The following ZFYVE28 variants were observed in gnomAD, a reference collection of about 807,000 sequenced individuals.
ZFYVE28 encodes lateral signaling target protein 2 homolog.
Under a neutral mutation model 82.1 loss-of-function variants are expected in ZFYVE28, and 40 were observed. That is an observed-to-expected ratio of 0.49 (90% CI 0.38 to 0.63). The LOEUF is 0.63. ZFYVE28 is among the 30% of genes least tolerant of loss of function. The pLI is 0.00. For missense variants in ZFYVE28, 1,321 were observed against 1,242.1 expected (o/e 1.06, Z -0.96); for synonymous variants, 612 against 546.1 (o/e 1.12, Z -1.68).
intron 7 of ZFYVE28, among the ~76,000 whole-genome samples, chr4:2,310,811 T>TA (rs1160261081): frequency 2.6e-5 from 4 of 152,114 alleles, no homozygotes; most frequent in African/African-American, 7.2e-5. Context: ...TCAATAATTA[T>TA]AAAAAAAGTT....
chr4:2,334,107 C>A (rs550559337), intron 6 of ZFYVE28, among the ~76,000 whole-genome samples: 7 of 152,250 alleles, frequency 4.6e-5, no homozygotes, highest in Non-Finnish European at 4.4e-5. Flanking sequence ...CTCCCTCTGG[C>A]GCGATGTGAG....
intron 8 of ZFYVE28, among the ~76,000 whole-genome samples, chr4:2,276,185 G>A (rs1156989134): frequency 6.6e-6 from 1 of 151,960 alleles, no homozygotes; most frequent in Non-Finnish European, 1.5e-5. Context: ...GCTGCACGGG[G>A]CCCCCTCCCT....
At chr4:2,318,638 G>A (rs369692911) in intron 7 of ZFYVE28, among the ~76,000 whole-genome samples, 1 of 152,224 alleles carries the variant, frequency 6.6e-6, no homozygotes, top group East Asian at 1.9e-4. Context: ...AGTTCCATCG[G>A]GGCGGCAGGG....
chr4:2,315,600 T>G (rs1718089649), intron 7 of ZFYVE28, among the ~76,000 whole-genome samples: 1 of 152,218 alleles, frequency 6.6e-6, no homozygotes, highest in African/African-American at 2.4e-5. Context: ...TATACGTTAT[T>G]TCACTGCTTG....
At chr4:2,382,176 T>C (rs936917059) in intron 1 of ZFYVE28, among the ~76,000 whole-genome samples, 2 of 152,206 alleles carry the variant, frequency 1.3e-5, no homozygotes, top group Admixed American at 6.5e-5. Flanking sequence ...GGGGCACTCA[T>C]GGAGAACCTC....
chr4:2,347,171 C>T (rs1250915530), intron 2 of ZFYVE28, among the ~76,000 whole-genome samples: 4 of 152,122 alleles, frequency 2.6e-5, no homozygotes, highest in African/African-American at 9.7e-5. Context: ...GCAAAGAGTA[C>T]TGCCAAGGAC....
chr4:2,341,349 G>A lies in ZFYVE28; in HGVS notation c.318+129C>T. ...GGCTCAGACCACACCACGTAACCCA[G>A]AGTGGACGGAGCTCTTGGAGGAGAC... On this transcript the variant is annotated intron_variant, in intron 3 of 12. Transcript: ENST00000290974. The surrounding 1 kb of genome is among the most constrained non-coding windows in gnomAD (Gnocchi z 4.5). 7.6e-7 allele frequency: 1 copy of A among 1,311,676 alleles called. No individual in the cohort carries two copies. The highest frequency in any genetic ancestry group is 2.5e-5 in the East Asian group (1 of 39,484). 81.3% of individuals were successfully genotyped at this position (1,311,676 alleles called of 1,614,324 possible). A position where few individuals can be genotyped will look rare whatever the true frequency, so the allele number is the denominator to read the frequency against.
chr4:2,380,205 T>G, intron 1 of ZFYVE28, among the ~76,000 whole-genome samples: 1 of 152,180 alleles, frequency 6.6e-6, no homozygotes, highest in Admixed American at 6.5e-5. Context: ...CTTGATGGGG[T>G]GGATGCATCC....
chr4:2,399,134 T>TGAGATCTAAGGCACAAGGAGGGGG (rs1730889327), intron 1 of ZFYVE28, among the ~76,000 whole-genome samples: 7 of 11,470 alleles, frequency 6.1e-4, no homozygotes, highest in Admixed American at 2.7e-3. Context: ...ACAAGCTGGG[T>TGAGATCTAAGGCACAAGGAGGGGG]GGTGAGATCC....
At chr4:2,295,198 G>C (rs1209814143) in intron 8 of ZFYVE28, among the ~76,000 whole-genome samples, 2 of 152,020 alleles carry the variant, frequency 1.3e-5, no homozygotes, top group African/African-American at 4.8e-5. Flanking sequence ...GTGTCACTCT[G>C]TTGCCCAGGC....
Position 2,304,912 on chromosome 4 carries a change from G to A in ZFYVE28, c.1428C>T (p.Thr476=). 2 of 1,612,716 alleles carry A rather than the reference G, an allele frequency of 1.2e-6. No homozygotes were observed. Among genetic ancestry groups the A allele is most frequent in the Admixed American group, 1.7e-5 (1 of 60,028 alleles). Residue 476 remains threonine (T), a synonymous_variant, in exon 8 of 13, where the codon ACC becomes ACT. Coordinates refer to ENST00000290974, the MANE Select transcript of ZFYVE28 (RefSeq NM_020972.3). ...EGTDGASLAG[T]SSCSCLDSRL... The stretch of plus-strand genomic sequence containing the variant: ...GCGAGTCCAGGCAGCTGCAGGAGCT[G>A]GTGCCCGCGAGGCTGGCCCCATCTG...
At chr4:2,353,893 C>T (rs2108882619) in intron 2 of ZFYVE28, 40 bp downstream of exon 2, 10 of 1,449,888 alleles carry the variant, frequency 6.9e-6, no homozygotes, top group Non-Finnish European at 8.2e-6. Flanking sequence ...CTGTCCAATG[C>T]CCAGCGGGGC....
chr4:2,379,591 T>A (rs1363959508), intron 1 of ZFYVE28, among the ~76,000 whole-genome samples: 1 of 152,114 alleles, frequency 6.6e-6, no homozygotes, highest in Non-Finnish European at 1.5e-5. Context: ...GCAGGACTCC[T>A]CCTGTGCAGA....
intron 7 of ZFYVE28, among the ~76,000 whole-genome samples, chr4:2,310,197 C>A (rs1717277829): frequency 6.6e-6 from 1 of 152,168 alleles, no homozygotes; most frequent in East Asian, 1.9e-4. Context: ...TACCACCATG[C>A]TCAACTAATT....
chr4:2,271,686 C>A lies in ZFYVE28; in HGVS notation c.2417G>T (p.Gly806Val). ...AGCCTCCCACACACCTTCAAAGTCC[C>A]CATCGCGGGTCTTGGCTGCCAGTTC... ...SSELAAKTRD[G>V]DFEDPPEWVP... Residue 806 changes from glycine to valine, a missense_variant, in exon 11 of 13, where the codon GGG (glycine) becomes GTG (valine). Transcript: ENST00000290974. The A allele has an allele frequency of 6.2e-7, 1 of 1,613,864 alleles. No individual in the cohort carries two copies.
At chr4:2,284,340 G>A (rs1484571827) in intron 8 of ZFYVE28, among the ~76,000 whole-genome samples, 1 of 152,210 alleles carries the variant, frequency 6.6e-6, no homozygotes, top group Non-Finnish European at 1.5e-5. Context: ...TCCAACCTCA[G>A]CCTCCCAAAG....
At chr4:2,387,336 G>C (rs1445956442) in intron 1 of ZFYVE28, among the ~76,000 whole-genome samples, 6 of 152,232 alleles carry the variant, frequency 3.9e-5, no homozygotes, top group Non-Finnish European at 8.8e-5. Context: ...ACGGCCGGAA[G>C]TGACGCAACT....
rs2108818788 is a variant in ZFYVE28, at chr4:2,300,773, A to C, written c.2051+3516T>G. Reference sequence around the variant, plus strand: ...TGCAGTACACGGAGACGCGACTCGCACGTGAGACTGGAAGCCGTGAATCAA... The same window carrying C: ...TGCAGTACACGGAGACGCGACTCGCCCGTGAGACTGGAAGCCGTGAATCAA... On this transcript the variant is annotated intron_variant, in intron 8 of 12. Coordinates refer to ENST00000290974, the MANE Select transcript of ZFYVE28 (RefSeq NM_020972.3). This position sits in a 1 kb window ranked among gnomAD's most constrained non-coding sequence, Gnocchi z 4.6. 6.6e-6 allele frequency among the ~76,000 whole-genome samples: 1 copy of C among 152,180 alleles called. No individual in the cohort carries two copies. The highest frequency in any genetic ancestry group is 1.5e-5 in the Non-Finnish European group (1 of 67,984).
At chr4:2,303,729 G>C (rs990321284) in intron 8 of ZFYVE28, among the ~76,000 whole-genome samples, 11 of 152,138 alleles carry the variant, frequency 7.2e-5, no homozygotes, top group African/African-American at 2.7e-4. Context: ...AGAGGCCCTG[G>C]GAACACCCCT....
Sources: allele counts gnomAD v4.1 joint callset (sites outside exome capture counted in the v4.1 genomes callset), GRCh38; gene constraint gnomAD v4.1.1; non-coding constraint Gnocchi (gnomAD v3.1); transcripts MANE v1.5; gene names NCBI Gene and HGNC (gene_info 2026-07-23, HGNC 2026-07-21).